INTS2: variants seen among roughly 807,000 people sequenced by gnomAD.
The protein encoded by INTS2 is integrator complex subunit 2.
Under a neutral mutation model 139.6 loss-of-function variants are expected in INTS2, and 57 were observed. The ratio of observed to expected loss-of-function variants is 0.41; its 90% CI spans 0.33 to 0.51. The LOEUF (loss-of-function observed/expected upper bound fraction) is 0.51. Among genes scored for constraint, INTS2 ranks in the 20% least tolerant of loss-of-function variants. The pLI is 0.28. For synonymous variants in INTS2, 473 were observed against 493.4 expected (o/e 0.96, Z 0.55); for missense variants, 1,196 against 1,436.7 (o/e 0.83, Z 2.71).
chr17:61,904,381 C>T (rs2079439353), intron 9 of INTS2, 79 bp downstream of exon 9: 3 of 1,034,684 alleles, frequency 2.9e-6, no homozygotes, highest in Non-Finnish European at 4.3e-6. Flanking sequence ...GTAGAAAACT[C>T]TTATCTAATG....
rs2079082432 is a variant in INTS2 at position 61,870,780 on chromosome 17, T to A, written c.2779-792A>T. Among the ~76,000 whole-genome samples the A allele has an allele frequency of 6.6e-6, 1 of 151,746 alleles. No individual in the cohort carries two copies. Among genetic ancestry groups the A allele is most frequent in the Admixed American group, 6.6e-5 (1 of 15,222 alleles). On this transcript the variant is annotated intron_variant, in intron 20 of 24. Transcript: ENST00000251334. This position sits in a 1 kb window ranked among gnomAD's most constrained non-coding sequence, Gnocchi z 4.4. ...TAATCATGGTTCTTGGGGAAAGGAGTTTTTGGTTATTGTTATTGTTATTGT... is the reference window on the plus strand; with the variant it reads ...TAATCATGGTTCTTGGGGAAAGGAGATTTTGGTTATTGTTATTGTTATTGT...
At chr17:61,881,624 C>T (rs2079179344) in intron 16 of INTS2, among the ~76,000 whole-genome samples, 1 of 152,080 alleles carries the variant, frequency 6.6e-6, no homozygotes, top group South Asian at 2.1e-4. Flanking sequence ...ATTAGAGCAC[C>T]ACCAGCACCA....
In INTS2 at chr17:61,882,799, C is replaced by T. The variant is rs1291272769; in HGVS notation, c.2090-1628G>A. ...TAACGAAGTACTACTATGCTAAGTGCTTCACACATAAGTACCTAATAAATA... is the reference window on the plus strand; with the variant it reads ...TAACGAAGTACTACTATGCTAAGTGTTTCACACATAAGTACCTAATAAATA... On this transcript the variant is annotated intron_variant, in intron 16 of 24. Transcript: ENST00000251334. The surrounding 1 kb of genome is among the most constrained non-coding windows in gnomAD (Gnocchi z 4.7). Among the ~76,000 whole-genome samples, 1 of 152,234 alleles carries T rather than the reference C, an allele frequency of 6.6e-6. No individual in the cohort carries two copies. The highest frequency in any genetic ancestry group is 1.5e-5 in the Non-Finnish European group (1 of 68,050).
At chr17:61,906,609 T>C (rs1603380222) in intron 8 of INTS2, among the ~76,000 whole-genome samples, 1 of 152,158 alleles carries the variant, frequency 6.6e-6, no homozygotes, top group African/African-American at 2.4e-5. Context: ...CTGAAACTCA[T>C]GCATATTGGA....
chr17:61,870,033 G>C lies in INTS2; in HGVS notation c.2779-45C>G, dbSNP rs762690342. ...AGAAAAAGTAAGAAGTTTCTAAGAA[G>C]TTAAAAAACAAATCAGATTTTATTT... On this transcript the variant is annotated intron_variant, in intron 20 of 24. Transcript: ENST00000251334. This position sits in a 1 kb window ranked among gnomAD's most constrained non-coding sequence, Gnocchi z 4.4. 35 of 1,528,068 alleles carry C rather than the reference G, an allele frequency of 2.3e-5. No individual in the cohort carries two copies. Among genetic ancestry groups the C allele is most frequent in the Non-Finnish European group, 3.1e-5 (35 of 1,132,042 alleles). The allele number at this position is 1,528,068 out of a possible 1,614,324, so 94.7% of individuals were successfully genotyped here.
At chr17:61,907,907 C>T (rs1000198683) in intron 7 of INTS2, among the ~76,000 whole-genome samples, 1 of 152,100 alleles carries the variant, frequency 6.6e-6, no homozygotes, top group Admixed American at 6.6e-5. Flanking sequence ...ATGGTACTTT[C>T]AAATACATAA....
rs77702520 is a variant in INTS2 at position 61,900,205 on chromosome 17, A to G, written c.1308-2466T>C. On this transcript the variant is annotated intron_variant, in intron 9 of 24. Coordinates refer to ENST00000251334, the MANE Select transcript of INTS2 (RefSeq NM_001351695.2). ...GTAGAAGAGAAAACCCATCCATTTTATACCACGGAATTCCCAAAGGGCTCA... is the reference window on the plus strand; with the variant it reads ...GTAGAAGAGAAAACCCATCCATTTTGTACCACGGAATTCCCAAAGGGCTCA... 4.9e-3 allele frequency among the ~76,000 whole-genome samples: 741 copies of G among 152,328 alleles called. 5 individuals are homozygous for G. Among genetic ancestry groups the G allele is most frequent in the African/African-American group, 0.017 (698 of 41,576 alleles).
Position 61,927,786 on chromosome 17 carries a change from C to A in INTS2, c.-151G>T. 6.3e-7 allele frequency: 1 copy of A among 1,594,372 alleles called. No homozygotes were observed. Among genetic ancestry groups the A allele is most frequent in the Non-Finnish European group, 8.5e-7 (1 of 1,169,984 alleles). On this transcript the variant is annotated 5_prime_UTR_variant, in exon 1 of 25. Transcript: ENST00000251334. ...TCCGGAACCCCAAACCCTAGTTGTG[C>A]CTCGAGTCGACTCGGACACCAAGAA...
Position 61,897,508 on chromosome 17 carries a change from A to G in INTS2, c.1455T>C (p.Ser485=). 6.2e-7 allele frequency: 1 copy of G among 1,602,644 alleles called. No homozygotes were observed. Among genetic ancestry groups the G allele is most frequent in the Non-Finnish European group, 8.5e-7 (1 of 1,174,462 alleles). ...TGGAACAGACCAAGTCAATGATAGC[A>G]CTAAGCTGGTTGCTGTGAAAGTACA... is the stretch of plus-strand genomic sequence containing the variant. ...VAMYFHSNQL[S]AIIDLVCSTL... The change falls in exon 11 of 25, where the codon AGT becomes AGC. Residue 485 remains serine (S), a synonymous_variant. Coordinates refer to ENST00000251334, the MANE Select transcript of INTS2 (RefSeq NM_001351695.2). The surrounding 1 kb of genome is among the most constrained non-coding windows in gnomAD (Gnocchi z 4.4).
chr17:61,879,503 C>G (rs562558021), intron 17 of INTS2, among the ~76,000 whole-genome samples: 4 of 152,040 alleles, frequency 2.6e-5, no homozygotes, highest in Non-Finnish European at 5.9e-5. Context: ...GTGCAGGAGT[C>G]TTAGTGGGGG....
At position 61,867,645 on chromosome 17, in the gene INTS2, G is replaced by A. The variant is rs770777515; in HGVS notation, c.3503C>T (p.Thr1168Ile). The change falls in exon 25 of 25, where the codon ACT becomes ATT. Residue 1168 changes from threonine (T) to isoleucine (I), a missense_variant. Around this residue, in one of 3 missense-constraint regions of INTS2, gnomAD observed 1,129 missense variants for 1,341.9 expected, o/e 0.84. Transcript: ENST00000251334. This position sits in a 1 kb window ranked among gnomAD's most constrained non-coding sequence, Gnocchi z 5.6. Reference sequence around the variant, plus strand: ...CTGTACATCAGGATCCATGCTTCCAGTGTCCCTGGATCCATTTTTATAAGA... The same window carrying A: ...CTGTACATCAGGATCCATGCTTCCAATGTCCCTGGATCCATTTTTATAAGA... ...DSSYKNGSRD[T>I]GSMDPDVQLC... 15 of 1,611,826 alleles carry A rather than the reference G, an allele frequency of 9.3e-6. 1 individual carries two copies. In the South Asian group the frequency reaches 1.6e-4, roughly 18 times the overall value.
At chr17:61,911,335 A>G (rs1379199991) in intron 7 of INTS2, 185 bp downstream of exon 7, 2 of 456,036 alleles carry the variant, frequency 4.4e-6, no homozygotes, top group Non-Finnish European at 7.7e-6. Flanking sequence ...TATCAACAGA[A>G]AAAAAGCCAC....
rs1290833807 is a variant in INTS2 at position 61,914,867 on chromosome 17, C to T, written c.650-2797G>A. Among the ~76,000 whole-genome samples the T allele has an allele frequency of 3.4e-5, 5 of 148,190 alleles. No homozygotes were observed. The East Asian group carries it at 7.9e-4, about 24-fold the overall frequency. On this transcript the variant is annotated intron_variant, in intron 5 of 24. Coordinates refer to ENST00000251334, the MANE Select transcript of INTS2 (RefSeq NM_001351695.2). ...CCAGCATGCGTGACAGAGCGAGACA[C>T]TATCTCAAAAAAAAAAAAAAAGCGT...
At chr17:61,899,051 G>T (rs1252457000) in intron 9 of INTS2, among the ~76,000 whole-genome samples, 2 of 152,016 alleles carry the variant, frequency 1.3e-5, no homozygotes, top group Admixed American at 1.3e-4. Context: ...CAAAAGCTAA[G>T]AAAATAAAAA....
At chr17:61,892,287 G>A (rs1487502886) in intron 13 of INTS2, among the ~76,000 whole-genome samples, 3 of 152,170 alleles carry the variant, frequency 2.0e-5, no homozygotes, top group Admixed American at 2.0e-4. Flanking sequence ...GATATATCAT[G>A]CATATATTAT....
chr17:61,869,324 G>A lies in INTS2; in HGVS notation c.3087C>T (p.Ile1029=), dbSNP rs760584089. 1 of 1,607,732 alleles carries A rather than the reference G, an allele frequency of 6.2e-7. No individual in the cohort carries two copies. The highest frequency in any genetic ancestry group is 8.5e-7 in the Non-Finnish European group (1 of 1,176,746). The change falls in exon 22 of 25, where the codon ATC becomes ATT. Residue 1029 remains isoleucine, a synonymous_variant. Coordinates refer to ENST00000251334, the MANE Select transcript of INTS2 (RefSeq NM_001351695.2). This position sits in a 1 kb window ranked among gnomAD's most constrained non-coding sequence, Gnocchi z 5.4. ...TAAGCTCAGGTATGAAATCTAGACA[G>A]ATGTGCATAGATGGAATACCTGCGA... ...LTVAGIPSMH[I]CLDFIPELIA...
chr17:61,923,402 G>T (rs943507246), intron 3 of INTS2, among the ~76,000 whole-genome samples: 2 of 148,642 alleles, frequency 1.3e-5, no homozygotes, highest in African/African-American at 2.5e-5. Flanking sequence ...GTGTGAACCC[G>T]GGAGGCGGAG....
In INTS2 at chr17:61,884,931, G is replaced by A; in HGVS notation, c.2059C>T (p.Gln687Ter). Reference sequence around the variant, plus strand: ...AACTCCTGCTGCAGCCCTTGAGCCTGTCGAATAAGGAATTTGATAGGAATC... The same window carrying A: ...AACTCCTGCTGCAGCCCTTGAGCCTATCGAATAAGGAATTTGATAGGAATC... ...DQIPIKFLIRQAQGLQQELGG... is the reference protein window; with the variant it reads ...DQIPIKFLIR The change falls in exon 16 of 25, where the codon CAG (glutamine) becomes TAG (stop). Residue 687 changes from glutamine to a stop codon, truncating the protein, a stop_gained. Coordinates refer to ENST00000251334, the MANE Select transcript of INTS2 (RefSeq NM_001351695.2). LOFTEE classifies it high-confidence loss of function. 1 of 1,608,272 alleles carries A rather than the reference G, an allele frequency of 6.2e-7. No individual in the cohort carries two copies. The highest frequency in any genetic ancestry group is 8.5e-7 in the Non-Finnish European group (1 of 1,177,000).
intron 5 of INTS2, among the ~76,000 whole-genome samples, chr17:61,912,326 G>A (rs554285402): frequency 3.4e-5 from 5 of 147,160 alleles, no homozygotes; most frequent in African/African-American, 1.3e-4. Flanking sequence ...GCCACGGACA[G>A]TGGCTCACAC....
Sources: allele counts gnomAD v4.1 joint callset (sites outside exome capture counted in the v4.1 genomes callset), GRCh38; gene constraint gnomAD v4.1.1; regional missense constraint gnomAD v4.1.1; non-coding constraint Gnocchi (gnomAD v3.1); transcripts MANE v1.5; gene names NCBI Gene and HGNC (gene_info 2026-07-23, HGNC 2026-07-21).